EMILIN2: variants seen among roughly 807,000 people sequenced by gnomAD.
The protein encoded by EMILIN2 is elastin microfibril interfacer 2.
EMILIN2 carries 71 observed loss-of-function variants against 87.1 expected under a neutral mutation model. The observed-to-expected ratio is 0.82, with a 90% CI of 0.67 to 0.99. The LOEUF is 0.99. Among genes scored for constraint, EMILIN2 ranks in the 50% least tolerant of loss-of-function variants. The pLI is 0.00. For missense variants in EMILIN2, 1,407 were observed against 1,371.8 expected (o/e 1.03, Z -0.40); for synonymous variants, 581 against 563.4 (o/e 1.03, Z -0.44).
At chr18:2,884,264 T>C (rs28520725) in intron 2 of EMILIN2, among the ~76,000 whole-genome samples, 4 of 151,790 alleles carry the variant, frequency 2.6e-5, no homozygotes, top group African/African-American at 9.7e-5. Context: ...CCTCTTTTTC[T>C]TTTTTTTGAG....
At chr18:2,910,818 T>C (rs927471981) in intron 7 of EMILIN2, among the ~76,000 whole-genome samples, 11 of 152,362 alleles carry the variant, frequency 7.2e-5, no homozygotes, top group African/African-American at 2.6e-4. Flanking sequence ...ACTGTTATGT[T>C]AGCAAGCCTA....
chr18:2,878,616 G>A (rs1302380782), intron 2 of EMILIN2, among the ~76,000 whole-genome samples: 2 of 152,192 alleles, frequency 1.3e-5, no homozygotes, highest in African/African-American at 2.4e-5. Flanking sequence ...GCGGATTCCG[G>A]GTAACCCAAC....
In EMILIN2 at chr18:2,898,438, C is replaced by T. The variant is rs117724144; in HGVS notation, c.2359+5952C>T. The stretch of plus-strand genomic sequence containing the variant: ...CCCTGCCTTCCCACTGTTCCTCTCC[C>T]GGTAGAGGAAGGAAGGGGTGCTGGT... On this transcript the variant is annotated intron_variant, in intron 4 of 7. Transcript: ENST00000254528. 1.1e-4 allele frequency among the ~76,000 whole-genome samples: 16 copies of T among 152,210 alleles called. No individual in the cohort carries two copies. In the East Asian group the frequency reaches 1.5e-3, roughly 15 times the overall value.
Position 2,848,164 on chromosome 18 carries a change from G to C in EMILIN2, c.257+233G>C, listed in dbSNP as rs1422661875. 6.6e-6 allele frequency among the ~76,000 whole-genome samples: 1 copy of C among 152,172 alleles called. No individual in the cohort carries two copies. Among genetic ancestry groups the C allele is most frequent in the Non-Finnish European group, 1.5e-5 (1 of 68,018 alleles). ...AGGATGCGCGCGCCTCGGGAGTGTG[G>C]GGTCGCGGGGGCGTAGGAGAGGATG... On this transcript the variant is annotated intron_variant, in intron 2 of 7. Coordinates refer to ENST00000254528, the MANE Select transcript of EMILIN2 (RefSeq NM_032048.3). The surrounding 1 kb of genome is among the most constrained non-coding windows in gnomAD (Gnocchi z 4.1).
chr18:2,873,923 C>T (rs2076735151), intron 2 of EMILIN2, among the ~76,000 whole-genome samples: 1 of 152,126 alleles, frequency 6.6e-6, no homozygotes, highest in Non-Finnish European at 1.5e-5. Context: ...CTGAACCACT[C>T]TGGGTTGGCC....
In EMILIN2 at chr18:2,855,855, A is replaced by G. The variant is rs1337954652; in HGVS notation, c.257+7924A>G. On this transcript the variant is annotated intron_variant, in intron 2 of 7. Transcript: ENST00000254528. ...GAACTTTTAAAAATTGCGCTGTCAC[A>G]CTAACGTACTGCATACCCAGCAGGC... Among the ~76,000 whole-genome samples, 6 of 152,314 alleles carry G rather than the reference A, an allele frequency of 3.9e-5. No homozygotes were observed. In the East Asian group the frequency reaches 1.2e-3, roughly 29 times the overall value.
At position 2,889,882 on chromosome 18, in the gene EMILIN2, G is replaced by A. The variant is rs114082336; in HGVS notation, c.434-679G>A. On this transcript the variant is annotated intron_variant, in intron 3 of 7. Transcript: ENST00000254528. ...TGAATCTTACTATATATGGTCAGAC[G>A]GTGCTGTTGCTAGGAGACACTGATG... is the stretch of plus-strand genomic sequence containing the variant. 5.2e-3 allele frequency among the ~76,000 whole-genome samples: 785 copies of A among 152,036 alleles called. 9 individuals carry two copies. Among genetic ancestry groups the A allele is most frequent in the African/African-American group, 0.018 (728 of 41,476 alleles).
At chr18:2,873,192 C>T (rs1240252368) in intron 2 of EMILIN2, among the ~76,000 whole-genome samples, 3 of 151,222 alleles carry the variant, frequency 2.0e-5, no homozygotes, top group Admixed American at 2.0e-4. Flanking sequence ...AGGTGGATCA[C>T]CTGAGGTCAG....
At chr18:2,879,636 GA>G (rs2076766922) in intron 2 of EMILIN2, among the ~76,000 whole-genome samples, 1 of 151,948 alleles carries the variant, frequency 6.6e-6, no homozygotes, top group Non-Finnish European at 1.5e-5. Context: ...ACTCCAGCCT[GA>G]GCGACAGAGA....
rs186107702 is a variant in EMILIN2 at position 2,880,944 on chromosome 18, G to T, written c.258-4020G>T. Among the ~76,000 whole-genome samples, 4 of 152,320 alleles carry T rather than the reference G, an allele frequency of 2.6e-5. No homozygotes were observed. The highest frequency in any genetic ancestry group is 4.4e-5 in the Non-Finnish European group (3 of 68,022). On this transcript the variant is annotated intron_variant, in intron 2 of 7. Transcript: ENST00000254528. This position sits in a 1 kb window ranked among gnomAD's most constrained non-coding sequence, Gnocchi z 4.1. Reference sequence around the variant, plus strand: ...GTATAATTTTGCTGAAAATTCCTTGGCATTTTCTAAAGCTCACTAGCTATT... The same window carrying T: ...GTATAATTTTGCTGAAAATTCCTTGTCATTTTCTAAAGCTCACTAGCTATT...
At chr18:2,899,575 G>T (rs371019042) in intron 4 of EMILIN2, among the ~76,000 whole-genome samples, 7 of 151,862 alleles carry the variant, frequency 4.6e-5, no homozygotes, top group African/African-American at 1.7e-4. Flanking sequence ...CACAATCTCG[G>T]CTCACTGCAA....
chr18:2,899,559 C>T (rs1471873754), intron 4 of EMILIN2, among the ~76,000 whole-genome samples: 2 of 152,072 alleles, frequency 1.3e-5, no homozygotes, highest in East Asian at 1.9e-4. Flanking sequence ...GGCTGGAGTG[C>T]AGTGGCACAA....
chr18:2,893,400 C>T (rs2076849045), intron 4 of EMILIN2, among the ~76,000 whole-genome samples: 1 of 152,038 alleles, frequency 6.6e-6, no homozygotes, highest in Non-Finnish European at 1.5e-5. Context: ...TGGATGAGAG[C>T]AGTTTAGGGA....
intron 7 of EMILIN2, among the ~76,000 whole-genome samples, chr18:2,910,065 G>GC (rs913484541): frequency 2.0e-5 from 3 of 152,160 alleles, no homozygotes; most frequent in African/African-American, 7.2e-5. Flanking sequence ...AGGTCAACAC[G>GC]CTAGTCCTCA....
intron 2 of EMILIN2, among the ~76,000 whole-genome samples, chr18:2,879,911 T>TCA (rs1442319917): frequency 6.6e-6 from 1 of 152,088 alleles, no homozygotes; most frequent in Non-Finnish European, 1.5e-5. Flanking sequence ...TTTTGCTATG[T>TCA]TGCCCAGGCT....
chr18:2,869,269 A>C (rs1395431585), intron 2 of EMILIN2, among the ~76,000 whole-genome samples: 2 of 122,998 alleles, frequency 1.6e-5, no homozygotes, highest in African/African-American at 6.7e-5. Context: ...TTAATGCAGA[A>C]ATTACATAGT....
Position 2,847,357 on chromosome 18 carries a change from C to G in EMILIN2, c.134+35C>G. The G allele has an allele frequency of 1.6e-6, 2 of 1,289,768 alleles. No homozygotes were observed. Among genetic ancestry groups the G allele is most frequent in the South Asian group, 2.2e-5 (1 of 45,428 alleles). The allele number at this position is 1,289,768 out of a possible 1,614,324, so 79.9% of individuals were successfully genotyped here. A position where few individuals can be genotyped will look rare whatever the true frequency, so the allele number is the denominator to read the frequency against. On this transcript the variant is annotated intron_variant, in intron 1 of 7. Coordinates refer to ENST00000254528, the MANE Select transcript of EMILIN2 (RefSeq NM_032048.3). The surrounding 1 kb of genome is among the most constrained non-coding windows in gnomAD (Gnocchi z 4.5). ...CGCCCCTTGGCTGGCCCCAAACCGC[C>G]TACCCCTCCCCGGCCCCCAGTTGAG...
Position 2,913,566 on chromosome 18 carries a change from C to G in EMILIN2, c.*162C>G, listed in dbSNP as rs2076953022. 2.5e-5 allele frequency: 15 copies of G among 607,282 alleles called. 1 individual carries two copies. The South Asian group carries it at 3.0e-4, about 12-fold the overall frequency. The allele number at this position is 607,282 out of a possible 1,614,324, so 37.6% of individuals were successfully genotyped here. On this transcript the variant is annotated 3_prime_UTR_variant, in exon 8 of 8. Transcript: ENST00000254528. ...TTGAGGCCACCATGCCTTACTGCAT[C>G]CAGCCAGGCTGCAGGGAGTGAGGCA...
upstream of EMILIN2, chr18:2,846,716 C>CG (rs1005509182): frequency 2.3e-5 from 23 of 983,496 alleles, no homozygotes; most frequent in Non-Finnish European, 2.8e-5. The surrounding 1 kb of genome is among the most constrained non-coding windows in gnomAD (Gnocchi z 5.3). Context: ...GGCCGCGTCC[C>CG]GGGGGGCCGG....
Sources: allele counts gnomAD v4.1 joint callset (sites outside exome capture counted in the v4.1 genomes callset), GRCh38; gene constraint gnomAD v4.1.1; non-coding constraint Gnocchi (gnomAD v3.1); transcripts MANE v1.5; gene names NCBI Gene and HGNC (gene_info 2026-07-23, HGNC 2026-07-21).